The following STK31 variants were observed in gnomAD, a reference collection of about 807,000 sequenced individuals.
STK31 encodes serine/threonine-protein kinase 31.
STK31 carries 89 observed loss-of-function variants against 129.7 expected under a neutral mutation model. That is an observed-to-expected ratio of 0.69 (90% CI 0.58 to 0.82). The LOEUF (loss-of-function observed/expected upper bound fraction) is 0.82. STK31 is among the 40% of genes least tolerant of loss of function. STK31 has a pLI of 0.00. For missense variants in STK31, 1,187 were observed against 1,176.4 expected, an observed-to-expected ratio of 1.01 and a Z score of -0.13; for synonymous variants, 448 against 395.3, an observed-to-expected ratio of 1.13 and a Z score of -1.58.
chr7:23,745,967 G>A lies in STK31; in HGVS notation c.1018-6750G>A, dbSNP rs895248906. On this transcript the variant is annotated intron_variant, in intron 8 of 23. Transcript: ENST00000355870. ...CAAGATGTATGGCTGTTCCTCTGCC[G>A]TAGGGAACAGGGTTGCTGCCAGTGG... 1.9e-4 allele frequency among the ~76,000 whole-genome samples: 29 copies of A among 152,316 alleles called. 1 individual carries two copies. The highest frequency in any genetic ancestry group is 2.9e-4 in the African/African-American group (12 of 41,564).
intron 15 of STK31, among the ~76,000 whole-genome samples, chr7:23,775,608 A>G (rs1790486601): frequency 6.6e-6 from 1 of 152,082 alleles, no homozygotes; most frequent in African/African-American, 2.4e-5. Flanking sequence ...ATGGGAGTTC[A>G]CTCATGATTT....
At chr7:23,759,473 A>G (rs1171925324) in intron 10 of STK31, among the ~76,000 whole-genome samples, 1 of 152,242 alleles carries the variant, frequency 6.6e-6, no homozygotes, top group Admixed American at 6.5e-5. Context: ...AGGAAATGTT[A>G]TCTTTCTAGA....
chr7:23,751,288 A>T (rs1788693412), intron 8 of STK31, among the ~76,000 whole-genome samples: 1 of 152,086 alleles, frequency 6.6e-6, no homozygotes, highest in African/African-American at 2.4e-5. Context: ...GGTTGATTCC[A>T]TGTCTTTGAT....
chr7:23,749,168 C>T (rs1269241786), intron 8 of STK31, among the ~76,000 whole-genome samples: 4 of 152,198 alleles, frequency 2.6e-5, no homozygotes, highest in Admixed American at 1.3e-4. Context: ...GTTGTTACTA[C>T]ATGCTATCTA....
Position 23,769,152 on chromosome 7 carries a change from C to T in STK31, c.1574C>T (p.Ala525Val), listed in dbSNP as rs781379127. 7 of 1,598,000 alleles carry T rather than the reference C, an allele frequency of 4.4e-6. No homozygotes were observed. In the African/African-American group the frequency reaches 6.8e-5, roughly 15 times the overall value. The change falls in exon 12 of 24, where the codon GCA (alanine) becomes GTA (valine). Residue 525 changes from alanine to valine, a missense_variant. By Grantham distance (64) the Ala-to-Val change is moderately conservative. This residue lies in a region of STK31 where 975 missense variants were observed against 934.9 expected (regional missense o/e 1.04). Transcript: ENST00000355870. ...ETDASLHRLVAWFQRTLKVFD... is the reference protein window; with the variant it reads ...ETDASLHRLVVWFQRTLKVFD... Reference sequence around the variant, plus strand: ...GACGCTTCTCTGCACCGTCTTGTAGCATGGTTCCAAAGAACCTTAAAGGTA... The same window carrying T: ...GACGCTTCTCTGCACCGTCTTGTAGTATGGTTCCAAAGAACCTTAAAGGTA...
chr7:23,712,019 A>G, intron 1 of STK31, 80 bp from the exon 2 acceptor site: 2 of 1,186,172 alleles, frequency 1.7e-6, no homozygotes, highest in Non-Finnish European at 2.4e-6. Flanking sequence ...AACATTTGTA[A>G]GAATTGAACA....
At chr7:23,824,989 A>G (rs1794038404) in intron 23 of STK31, among the ~76,000 whole-genome samples, 1 of 152,044 alleles carries the variant, frequency 6.6e-6, no homozygotes, top group African/African-American at 2.4e-5. Context: ...GTGTTGCTGG[A>G]TTCGGTTTGC....
rs1336635206 is a variant in STK31, at chr7:23,824,888, G to A, written c.2830-7248G>A. The stretch of plus-strand genomic sequence containing the variant: ...TTTTTGTCTTTGGTTCTGTTTATAT[G>A]CTGGATTACGTTTATTGATTTTCAT... On this transcript the variant is annotated intron_variant, in intron 23 of 23. Transcript: ENST00000355870. 5.3e-5 allele frequency among the ~76,000 whole-genome samples: 8 copies of A among 151,774 alleles called. 1 individual carries two copies. Among genetic ancestry groups the A allele is most frequent in the Admixed American group, 5.3e-4 (8 of 15,228 alleles).
chr7:23,783,632 T>G lies in STK31; in HGVS notation c.2117T>G (p.Leu706Arg). ...AAATGGTTCCCTGAGCTGCCTCTGC[T>G]TCATCCTGAAATAGGATTACTCAAA... The part of the protein sequence containing the change: ...AQKWFPELPL[L>R]HPEIGLLKYM... The change falls in exon 17 of 24, where the codon CTT (leucine) becomes CGT (arginine). Residue 706 changes from leucine (L) to arginine (R), a missense_variant. This residue lies in a region of STK31 where 975 missense variants were observed against 934.9 expected (regional missense o/e 1.04). Transcript: ENST00000355870. The G allele has an allele frequency of 6.2e-7, 1 of 1,612,466 alleles. No individual in the cohort carries two copies. Among genetic ancestry groups the G allele is most frequent in the Non-Finnish European group, 8.5e-7 (1 of 1,179,554 alleles).
At chr7:23,746,745 G>GA (rs1288768969) in intron 8 of STK31, among the ~76,000 whole-genome samples, 1 of 152,112 alleles carries the variant, frequency 6.6e-6, no homozygotes, top group Non-Finnish European at 1.5e-5. Flanking sequence ...TGAGGAGGAA[G>GA]AGCATGGGTT....
intron 16 of STK31, 104 bp from the exon 17 acceptor site, chr7:23,783,479 G>C: frequency 1.4e-6 from 1 of 731,572 alleles, no homozygotes; most frequent in Non-Finnish European, 2.1e-6. Context: ...GTATCTTACT[G>C]GATATGTTAT....
chr7:23,730,878 A>ATTTTTTT (rs60712892), intron 6 of STK31, among the ~76,000 whole-genome samples: 75 of 59,506 alleles, frequency 1.3e-3, no homozygotes, highest in Non-Finnish European at 1.8e-3. Flanking sequence ...ATATATATAT[A>ATTTTTTT]TTTTTTTTTT....
intron 16 of STK31, among the ~76,000 whole-genome samples, chr7:23,782,489 AAAAG>A (rs1790998245): frequency 6.7e-6 from 1 of 150,186 alleles, no homozygotes; most frequent in African/African-American, 2.5e-5. Context: ...AAAAAAAAAA[AAAAG>A]AAAAGAAAAG....
At chr7:23,828,154 A>G (rs1794295240) in intron 23 of STK31, among the ~76,000 whole-genome samples, 1 of 152,122 alleles carries the variant, frequency 6.6e-6, no homozygotes, top group Admixed American at 6.5e-5. Context: ...TGCAGAGGTT[A>G]TTGCTGTCTT....
intron 3 of STK31, 49 bp from the exon 4 acceptor site, chr7:23,717,432 C>T: frequency 1.5e-6 from 2 of 1,361,952 alleles, no homozygotes; most frequent in Non-Finnish European, 2.1e-6. Flanking sequence ...GCGTGTAACA[C>T]TGTAAAATAA....
chr7:23,827,657 C>T (rs1033249739), intron 23 of STK31, among the ~76,000 whole-genome samples: 6 of 152,154 alleles, frequency 3.9e-5, no homozygotes, highest in Admixed American at 6.6e-5. Flanking sequence ...GTTCCTTTGT[C>T]GGAGGAGAGG....
chr7:23,827,942 C>G (rs543229580), intron 23 of STK31, among the ~76,000 whole-genome samples: 9 of 152,184 alleles, frequency 5.9e-5, no homozygotes, highest in African/African-American at 2.2e-4. Flanking sequence ...GCTGCCTGAT[C>G]GTTCCTCTGG....
At position 23,736,930 on chromosome 7, in the gene STK31, A is replaced by G; in HGVS notation, c.869A>G (p.Asn290Ser). 6.2e-7 allele frequency: 1 copy of G among 1,607,650 alleles called. No homozygotes were observed. Among genetic ancestry groups the G allele is most frequent in the African/African-American group, 1.3e-5 (1 of 74,636 alleles). ...GAAAGTTTGGCTGTTGGTGACTTTA[A>G]TTTAGGGTCTAACGTCAGCCTGGAA... Reference protein sequence around the residue: ...PKESLAVGDFNLGSNVSLEKI... With the variant: ...PKESLAVGDFSLGSNVSLEKI... Residue 290 changes from asparagine (N) to serine (S), a missense_variant, in exon 8 of 24, where the codon AAT becomes AGT. By Grantham distance (46) the Asn-to-Ser change is conservative. Around this residue, in one of 5 missense-constraint regions of STK31, gnomAD observed 975 missense variants for 934.9 expected, o/e 1.04. Coordinates refer to ENST00000355870, the MANE Select transcript of STK31 (RefSeq NM_031414.5).
chr7:23,748,910 C>G (rs551810603), intron 8 of STK31, among the ~76,000 whole-genome samples: 9 of 152,290 alleles, frequency 5.9e-5, no homozygotes, highest in African/African-American at 2.2e-4. Flanking sequence ...CTAACACTTG[C>G]TTTGTTCAAG....
Sources: allele counts gnomAD v4.1 joint callset (sites outside exome capture counted in the v4.1 genomes callset), GRCh38; gene constraint gnomAD v4.1.1; regional missense constraint gnomAD v4.1.1; transcripts MANE v1.5; gene names NCBI Gene and HGNC (gene_info 2026-07-23, HGNC 2026-07-21).